GNG2: variants seen among roughly 807,000 people sequenced by gnomAD.
GNG2 encodes the protein guanine nucleotide-binding protein G(I)/G(S)/G(O) subunit gamma-2.
GNG2 carries 5 observed loss-of-function variants against 5.5 expected under a neutral mutation model. The observed-to-expected ratio is 0.91, with a 90% CI of 0.48 to 1.92. The LOEUF (loss-of-function observed/expected upper bound fraction) is 1.92. Ranked by LOEUF, GNG2 falls within the 30% of genes most tolerant of loss-of-function variation. GNG2 has a pLI of 0.01. For synonymous variants in GNG2, 28 were observed against 32.0 expected (o/e 0.88, Z 0.42); for missense variants, 55 against 88.4 (o/e 0.62, Z 1.52).
intron 1 of GNG2, among the ~76,000 whole-genome samples, chr14:51,827,293 C>T (rs935083339): frequency 2.6e-5 from 4 of 152,190 alleles, no homozygotes; most frequent in African/African-American, 9.7e-5. Flanking sequence ...CAGTGCTTCT[C>T]GAAGTGTAGT....
At chr14:51,885,673 C>A (rs934455358) in intron 2 of GNG2, among the ~76,000 whole-genome samples, 1 of 152,054 alleles carries the variant, frequency 6.6e-6, no homozygotes, top group African/African-American at 2.4e-5. Context: ...AGCCTTTTTA[C>A]TTAAAAGACC....
intron 2 of GNG2, among the ~76,000 whole-genome samples, chr14:51,894,593 G>A (rs1314273091): frequency 6.6e-6 from 1 of 152,100 alleles, no homozygotes; most frequent in Non-Finnish European, 1.5e-5. Flanking sequence ...TTCTAGATCA[G>A]TCATGATGTT....
intron 2 of GNG2, among the ~76,000 whole-genome samples, chr14:51,903,943 C>A (rs894418061): frequency 2.0e-5 from 3 of 152,210 alleles, no homozygotes; most frequent in Non-Finnish European, 2.9e-5. Context: ...CCACCATGGG[C>A]ATTCTTATAA....
chr14:51,836,326 T>A (rs1400000293), intron 2 of GNG2, among the ~76,000 whole-genome samples: 1 of 152,084 alleles, frequency 6.6e-6, no homozygotes, highest in Non-Finnish European at 1.5e-5. Flanking sequence ...GCTAGGGTAG[T>A]AGTCATGCAG....
At chr14:51,957,795 C>T (rs550899499) in intron 3 of GNG2, among the ~76,000 whole-genome samples, 73 of 152,288 alleles carry the variant, frequency 4.8e-4, no homozygotes, top group Non-Finnish European at 7.2e-4. Flanking sequence ...ATGACCTTGA[C>T]ACTTTTGGAG....
At chr14:51,844,325 G>A (rs1302726292) in intron 2 of GNG2, among the ~76,000 whole-genome samples, 1 of 152,102 alleles carries the variant, frequency 6.6e-6, no homozygotes. Context: ...CTCATATATG[G>A]TTCAAACTCT....
intron 2 of GNG2, among the ~76,000 whole-genome samples, chr14:51,890,672 T>C (rs531706026): frequency 6.6e-6 from 1 of 152,346 alleles, no homozygotes; most frequent in African/African-American, 2.4e-5. Flanking sequence ...AGTATTACTC[T>C]AGAAATATAT....
intron 2 of GNG2, among the ~76,000 whole-genome samples, chr14:51,943,780 A>G (rs1023815721): frequency 2.0e-5 from 3 of 148,682 alleles, no homozygotes; most frequent in Admixed American, 6.7e-5. Context: ...TTTTTAAAAA[A>G]TTACTGAAAG....
chr14:51,961,189 G>C (rs986031117), intron 3 of GNG2, among the ~76,000 whole-genome samples: 1 of 152,140 alleles, frequency 6.6e-6, no homozygotes, highest in Non-Finnish European at 1.5e-5. Context: ...ATTCTGCCCA[G>C]TTTTTAATTT....
chr14:51,831,028 A>G (rs1409185008), intron 2 of GNG2, among the ~76,000 whole-genome samples: 1 of 152,136 alleles, frequency 6.6e-6, no homozygotes, highest in Non-Finnish European at 1.5e-5. Flanking sequence ...TTGCTAACCC[A>G]CAAATGCACC....
At chr14:51,946,857 C>G (rs564926284) in intron 2 of GNG2, among the ~76,000 whole-genome samples, 43 of 152,218 alleles carry the variant, frequency 2.8e-4, no homozygotes, top group Middle Eastern at 3.4e-3. Flanking sequence ...CTTTGGAATG[C>G]TGGCCTAGTA....
At chr14:51,954,858 A>G (rs967701660) in intron 3 of GNG2, among the ~76,000 whole-genome samples, 6 of 152,162 alleles carry the variant, frequency 3.9e-5, no homozygotes, top group African/African-American at 1.2e-4. Context: ...TTCAGTCTCC[A>G]TAGCACGTAG....
Position 51,966,789 on chromosome 14 carries a change from G to A in GNG2, c.*102G>A, listed in dbSNP as rs1267455709. 17 of 997,096 alleles carry A rather than the reference G, an allele frequency of 1.7e-5. No individual in the cohort carries two copies. The highest frequency in any genetic ancestry group is 8.2e-5 in the South Asian group (6 of 73,558). The allele number at this position is 997,096 out of a possible 1,614,324, so 61.8% of individuals were successfully genotyped here. The stretch of plus-strand genomic sequence containing the variant: ...CTAGTCCACGGCATTTGAAGAGAGC[G>A]AGGAGAACCATTCTGGAAACTCTAG... On this transcript the variant is annotated 3_prime_UTR_variant, in exon 4 of 4. Transcript: ENST00000556766.
intron 2 of GNG2, among the ~76,000 whole-genome samples, chr14:51,929,639 C>T (rs1010398912): frequency 9.2e-5 from 14 of 152,204 alleles, no homozygotes; most frequent in Admixed American, 2.6e-4. Flanking sequence ...AAAAGTCATG[C>T]CTATCTCTCC....
intron 2 of GNG2, among the ~76,000 whole-genome samples, chr14:51,942,595 T>TCCTTC (rs1413000965): frequency 5.6e-5 from 7 of 125,380 alleles, no homozygotes; most frequent in Admixed American, 7.9e-5. Flanking sequence ...CTTTCTTTTT[T>TCCTTC]TTTTTTTTTT....
intron 2 of GNG2, among the ~76,000 whole-genome samples, chr14:51,928,187 G>A (rs1887445651): frequency 2.0e-5 from 3 of 151,640 alleles, no homozygotes; most frequent in Non-Finnish European, 2.9e-5. Context: ...GCAACACCAC[G>A]CCCGGCTAAT....
chr14:51,849,690 A>G (rs2140085517), intron 2 of GNG2, among the ~76,000 whole-genome samples: 1 of 152,370 alleles, frequency 6.6e-6, no homozygotes, highest in East Asian at 1.9e-4. Flanking sequence ...TATCATGTAA[A>G]ATCCATGCGA....
chr14:51,963,150 G>A (rs75714340), intron 3 of GNG2, among the ~76,000 whole-genome samples: 1 of 152,272 alleles, frequency 6.6e-6, no homozygotes, highest in Non-Finnish European at 1.5e-5. Flanking sequence ...TGACACTGTT[G>A]GAGCATTGCC....
At chr14:51,876,851 T>C (rs748410626) in intron 1 of GNG2, among the ~76,000 whole-genome samples, 5 of 152,188 alleles carry the variant, frequency 3.3e-5, no homozygotes, top group Non-Finnish European at 7.3e-5. Context: ...ATGTGAGATA[T>C]CTCTTTGTTC....
Sources: gnomAD v4.1 joint callset for allele counts (sites outside exome capture counted in the v4.1 genomes callset) on GRCh38, gnomAD v4.1.1 for gene constraint, MANE v1.5 for transcripts, NCBI Gene and HGNC (gene_info 2026-07-23, HGNC 2026-07-21) for gene names.